COL25A1: variants seen among roughly 807,000 people sequenced by gnomAD.
COL25A1 encodes collagen type XXV alpha 1 chain.
In COL25A1, 103 loss-of-function variants were observed where a neutral mutation model predicts 128.4. The observed-to-expected ratio is 0.80, with a 90% CI of 0.68 to 0.94. The LOEUF is 0.94. Ranked by LOEUF, COL25A1 falls within the 40% of genes least tolerant of loss-of-function variation. COL25A1 has a pLI of 0.00. For missense variants in COL25A1, 745 were observed against 840.0 expected (o/e 0.89, Z 1.40); for synonymous variants, 279 against 277.2 (o/e 1.01, Z -0.06).
intron 8 of COL25A1, among the ~76,000 whole-genome samples, chr4:108,970,855 A>T (rs544459904): frequency 4.6e-5 from 7 of 151,956 alleles, no homozygotes; most frequent in Admixed American, 1.3e-4. Context: ...CTTCAGGTTC[A>T]TCCATGCTGT....
chr4:109,061,401 T>C (rs1392995842), intron 3 of COL25A1, among the ~76,000 whole-genome samples: 1 of 152,194 alleles, frequency 6.6e-6, no homozygotes, highest in Non-Finnish European at 1.5e-5. Context: ...TCTTAAAACT[T>C]TACTCCAGTT....
intron 5 of COL25A1, among the ~76,000 whole-genome samples, chr4:109,047,139 A>T (rs1007640349): frequency 5.9e-5 from 9 of 152,194 alleles, no homozygotes; most frequent in Non-Finnish European, 1.3e-4. Flanking sequence ...AGGAGGGAGG[A>T]CTGGTCCAAG....
intron 8 of COL25A1, among the ~76,000 whole-genome samples, chr4:108,970,505 G>A (rs1018214116): frequency 1.3e-5 from 2 of 152,102 alleles, no homozygotes; most frequent in Non-Finnish European, 2.9e-5. Context: ...TATACATCAT[G>A]CGATGGCTAT....
intron 31 of COL25A1, among the ~76,000 whole-genome samples, chr4:108,839,222 T>C (rs930413576): frequency 1.3e-5 from 2 of 152,102 alleles, no homozygotes; most frequent in Non-Finnish European, 2.9e-5. Flanking sequence ...AACACAGAAA[T>C]GGGTATCTTT....
intron 10 of COL25A1, among the ~76,000 whole-genome samples, chr4:108,939,537 C>T (rs909111512): frequency 2.0e-5 from 3 of 151,804 alleles, no homozygotes; most frequent in African/African-American, 7.3e-5. Flanking sequence ...AGAAAATATA[C>T]CAAAACATTA....
At chr4:109,021,950 A>G (rs1757806936) in intron 5 of COL25A1, among the ~76,000 whole-genome samples, 1 of 152,202 alleles carries the variant, frequency 6.6e-6, no homozygotes, top group Non-Finnish European at 1.5e-5. Context: ...TTTTCTGTTT[A>G]TCAAGACAAT....
At chr4:109,199,752 T>C (rs1041395678) in intron 3 of COL25A1, among the ~76,000 whole-genome samples, 1 of 152,176 alleles carries the variant, frequency 6.6e-6, no homozygotes, top group East Asian at 1.9e-4. Flanking sequence ...TGGGACTTCA[T>C]TTGGTCAACG....
intron 37 of COL25A1, among the ~76,000 whole-genome samples, chr4:108,816,686 T>C (rs1032808334): frequency 5.9e-5 from 9 of 152,158 alleles, no homozygotes; most frequent in African/African-American, 1.4e-4. Flanking sequence ...TGGAAGGTCC[T>C]TGACCTCTCG....
At chr4:108,878,535 C>T (rs1260227265) in intron 19 of COL25A1, among the ~76,000 whole-genome samples, 1 of 152,118 alleles carries the variant, frequency 6.6e-6, no homozygotes, top group Non-Finnish European at 1.5e-5. Context: ...TAATAAGAAC[C>T]ACCAGGCAGC....
chr4:109,281,617 T>A (rs1004257242), intron 3 of COL25A1, among the ~76,000 whole-genome samples: 3 of 152,188 alleles, frequency 2.0e-5, no homozygotes, highest in Non-Finnish European at 4.4e-5. Flanking sequence ...GGATATGAGC[T>A]GGTTGTGACT....
intron 24 of COL25A1, among the ~76,000 whole-genome samples, chr4:108,855,866 C>G (rs1044483566): frequency 6.6e-6 from 1 of 152,112 alleles, no homozygotes; most frequent in Non-Finnish European, 1.5e-5. Context: ...GAAGTCCTAA[C>G]GATGTGGCTC....
intron 3 of COL25A1, among the ~76,000 whole-genome samples, chr4:109,188,796 A>T (rs1379647087): frequency 6.6e-6 from 1 of 152,210 alleles, no homozygotes; most frequent in African/African-American, 2.4e-5. Context: ...GAAATCCTCC[A>T]TAGAATGCAA....
chr4:108,817,415 C>G lies in COL25A1; in HGVS notation c.1944G>C (p.Met648Ile). 1 of 1,613,382 alleles carries G rather than the reference C, an allele frequency of 6.2e-7. No individual in the cohort carries two copies. The highest frequency in any genetic ancestry group is 1.1e-5 in the South Asian group (1 of 91,016). Residue 648 changes from methionine (M) to isoleucine (I), a missense_variant, in exon 37 of 38, where the codon ATG becomes ATC. Physicochemically the swap from Met to Ile is conservative, Grantham distance 10 (BLOSUM62 1). Coordinates refer to ENST00000399132, the MANE Select transcript of COL25A1 (RefSeq NM_198721.4). ...PCQLGPDGLP[M>I]PGCWQK ...AGCCTACCTTTTGCCAACAGCCAGG[C>G]ATGGGTAAGCCATCTGGCCCCTGTT... is the stretch of plus-strand genomic sequence containing the variant.
At chr4:108,986,887 CAACAT>C (rs1313604148) in intron 6 of COL25A1, among the ~76,000 whole-genome samples, 6 of 152,146 alleles carry the variant, frequency 3.9e-5, no homozygotes, top group African/African-American at 1.4e-4. Flanking sequence ...GTAAATATAA[CAACAT>C]AATATCTAAG....
At chr4:108,814,842 G>C (rs1316816549) in intron 37 of COL25A1, among the ~76,000 whole-genome samples, 1 of 152,168 alleles carries the variant, frequency 6.6e-6, no homozygotes, top group African/African-American at 2.4e-5. Flanking sequence ...AATGTATAGG[G>C]AAGGAGAATA....
intron 3 of COL25A1, among the ~76,000 whole-genome samples, chr4:109,082,578 G>A (rs1763935758): frequency 6.6e-6 from 1 of 151,908 alleles, no homozygotes; most frequent in African/African-American, 2.4e-5. Flanking sequence ...ATGCTTATTG[G>A]CCATTTGTTT....
At chr4:108,933,927 G>A (rs766655872) in intron 11 of COL25A1, among the ~76,000 whole-genome samples, 1 of 151,510 alleles carries the variant, frequency 6.6e-6, no homozygotes, top group South Asian at 2.1e-4. Context: ...TCCTCCTCAC[G>A]ATTCCTCAAG....
intron 32 of COL25A1, 151 bp downstream of exon 32, chr4:108,832,229 G>T: frequency 1.8e-6 from 1 of 568,234 alleles, no homozygotes; most frequent in Non-Finnish European, 3.1e-6. Flanking sequence ...TCAATATTAG[G>T]ACTCTGAATA....
At position 108,879,148 on chromosome 4, in the gene COL25A1, G is replaced by T. The variant is rs1259994959; in HGVS notation, c.1020+5030C>A. ...GTAAATGCTTCTGCCACCTGTAAAA[G>T]CTAGTCTTTATATAATTTAGTGGCA... On this transcript the variant is annotated intron_variant, in intron 19 of 37. Coordinates refer to ENST00000399132, the MANE Select transcript of COL25A1 (RefSeq NM_198721.4). Among the ~76,000 whole-genome samples the T allele has an allele frequency of 2.6e-5, 4 of 152,116 alleles. No individual in the cohort carries two copies. The South Asian group carries it at 8.3e-4, about 32-fold the overall frequency.
Sources: allele counts gnomAD v4.1 joint callset (sites outside exome capture counted in the v4.1 genomes callset), GRCh38; gene constraint gnomAD v4.1.1; transcripts MANE v1.5; gene names NCBI Gene and HGNC (gene_info 2026-07-23, HGNC 2026-07-21).